TP53I13: variants seen among roughly 807,000 people sequenced by gnomAD.
TP53I13 encodes tumor protein p53-inducible protein 13.
In TP53I13, 27 loss-of-function variants were observed where a neutral mutation model predicts 39.1. The ratio of observed to expected loss-of-function variants is 0.69; its 90% confidence interval spans 0.51 to 0.95. The LOEUF (loss-of-function observed/expected upper bound fraction) is 0.95. Among genes scored for constraint, TP53I13 ranks in the 40% least tolerant of loss-of-function variants. TP53I13 has a pLI of 0.00. For missense variants in TP53I13, 544 were observed against 520.4 expected (o/e 1.05, Z -0.44); for synonymous variants, 230 against 224.6 (o/e 1.02, Z -0.22).
upstream of TP53I13, chr17:29,566,441 C>T: frequency 6.2e-7 from 1 of 1,612,470 alleles, no homozygotes; most frequent in Non-Finnish European, 8.5e-7. Context: ...AAGCAAAGGC[C>T]GAGCACGTTG....
chr17:29,580,482 T>C, the TP53I13 span, among the ~76,000 whole-genome samples: 2 of 152,120 alleles, frequency 1.3e-5, no homozygotes, highest in Non-Finnish European at 2.9e-5. Flanking sequence ...CCATCAGAGG[T>C]GGCCACCAGG....
chr17:29,580,432 A>C, the TP53I13 span, among the ~76,000 whole-genome samples: 1 of 152,230 alleles, frequency 6.6e-6, no homozygotes, highest in South Asian at 2.1e-4. Flanking sequence ...TCCTCTCTCC[A>C]GATCCAGGCC....
intron 2 of TP53I13, 79 bp downstream of exon 2, chr17:29,569,165 A>C: frequency 6.7e-7 from 1 of 1,497,862 alleles, no homozygotes; most frequent in Non-Finnish European, 9.1e-7. Flanking sequence ...CGCACCCTCC[A>C]CAGTCACCAT....
chr17:29,576,728 C>T (rs55956743), downstream of TP53I13: 23,266 of 1,605,940 alleles, frequency 0.014, 233 homozygotes, highest in Middle Eastern at 0.059. Context: ...GGCCAACACC[C>T]GCAGGGGGCA....
At chr17:29,582,167 T>C in the TP53I13 span, 1 of 1,503,858 alleles carries the variant, frequency 6.6e-7, no homozygotes. Context: ...GAGTGTGCAG[T>C]GAATACGCAT....
chr17:29,567,657 G>C (rs2032756650), upstream of TP53I13, among the ~76,000 whole-genome samples: 1 of 152,018 alleles, frequency 6.6e-6, no homozygotes. This position sits in a 1 kb window ranked among gnomAD's most constrained non-coding sequence, Gnocchi z 6.6. Flanking sequence ...CCCCGTCCCC[G>C]CGAGCTCGGG....
chr17:29,575,580 C>T, downstream of TP53I13: 1 of 1,584,864 alleles, frequency 6.3e-7, no homozygotes, highest in Non-Finnish European at 8.6e-7. The surrounding 1 kb of genome is among the most constrained non-coding windows in gnomAD (Gnocchi z 5.5). Context: ...CTCTCAACCT[C>T]CCCGCCTCGG....
chr17:29,569,395 CACGCCTGGAG>C, intron 3 of TP53I13, 36 bp downstream of exon 3: 1 of 1,609,256 alleles, frequency 6.2e-7, no homozygotes, highest in East Asian at 2.2e-5. Context: ...CCTTGGTGTC[CACGCCTGGAG>C]ACAGGCGCTC....
At position 29,572,295 on chromosome 17, in the gene TP53I13, C is replaced by T. The variant is rs199741319; in HGVS notation, c.667C>T (p.Pro223Ser). The T allele has an allele frequency of 2.5e-6, 4 of 1,612,914 alleles. No individual in the cohort carries two copies. In the Admixed American group the frequency reaches 5.0e-5, roughly 20 times the overall value. ...PQPTRSALRF[P>S]SASPGSLKAK... ...GCCCACTCGCTCAGCCCTGAGGTTTCCCTCTGCTTCCCCAGGGAGCTTGAA... is the reference window on the plus strand; with the variant it reads ...GCCCACTCGCTCAGCCCTGAGGTTTTCCTCTGCTTCCCCAGGGAGCTTGAA... Residue 223 changes from proline (P) to serine (S), a missense_variant, in exon 6 of 7, where the codon CCC becomes TCC. Transcript: ENST00000301057.
rs1696003598 is a variant in TP53I13, at chr17:29,573,101, A to G, written c.*177A>G. The G allele has an allele frequency of 2.2e-6, 1 of 461,334 alleles. No homozygotes were observed. 28.6% of individuals were successfully genotyped at this position (461,334 alleles called of 1,614,324 possible). A position where few individuals can be genotyped will look rare whatever the true frequency, so the allele number is the denominator to read the frequency against. ...AGTGGGCGGCCAAGGGGAGAAAAGG[A>G]GCCGCTTCTGCCTCCCTTGCCAAAA... On this transcript the variant is annotated 3_prime_UTR_variant, in exon 7 of 7. Transcript: ENST00000301057.
downstream of TP53I13, chr17:29,574,693 G>C: frequency 1.2e-6 from 2 of 1,602,440 alleles, no homozygotes; most frequent in South Asian, 2.2e-5. Flanking sequence ...GAGGGTGTGG[G>C]GAGAGAGGTC....
At chr17:29,582,180 G>T in the TP53I13 span, 1 of 1,449,180 alleles carries the variant, frequency 6.9e-7, no homozygotes, top group Non-Finnish European at 9.3e-7. Context: ...ATACGCATGT[G>T]CGTGAGGCGC....
chr17:29,576,756 CAGCCCACCTG>C, downstream of TP53I13: 1 of 1,588,258 alleles, frequency 6.3e-7, no homozygotes. Context: ...AGGCTAGGAG[CAGCCCACCTG>C]TCCCTCAGGC....
chr17:29,575,686 G>A (rs373891852), downstream of TP53I13: 21 of 1,612,470 alleles, frequency 1.3e-5, no homozygotes, highest in East Asian at 4.5e-5. The surrounding 1 kb of genome is among the most constrained non-coding windows in gnomAD (Gnocchi z 5.5). Context: ...CTCCACTGCC[G>A]TGGCGGGAAA....
At chr17:29,569,226 C>G in intron 2 of TP53I13, 92 bp from the exon 3 acceptor site, 1 of 1,515,228 alleles carries the variant, frequency 6.6e-7, no homozygotes, top group South Asian at 1.2e-5. Context: ...TTCTCCATCC[C>G]AGCCTGGCGC....
At chr17:29,571,347 T>C in intron 3 of TP53I13, 1 of 533,096 alleles carries the variant, frequency 1.9e-6, no homozygotes, top group Non-Finnish European at 3.3e-6. Context: ...GGCAGGATTA[T>C]CCAGGCATGC....
chr17:29,571,557 G>T (rs372435935), intron 3 of TP53I13, 34 bp from the exon 4 acceptor site: 1 of 1,610,982 alleles, frequency 6.2e-7, no homozygotes, highest in Non-Finnish European at 8.5e-7. Context: ...GAGGGCTCTG[G>T]GCCTGCTTTG....
In TP53I13 at chr17:29,572,507, A is replaced by G; in HGVS notation, c.879A>G (p.Ala293=). ...CSSQASPAPR[A]AAPPRAARGP... ...GTCAGGCTTCCCCGGCCCCTCGCGC[A>G]GCAGCGCCTCCACGGGCAGCCCGGG... The change falls in exon 6 of 7, where the codon GCA becomes GCG. Residue 293 remains alanine (A), a synonymous_variant. Transcript: ENST00000301057. 6.2e-7 allele frequency: 1 copy of G among 1,606,092 alleles called. No homozygotes were observed.
chr17:29,573,138 A>G lies in TP53I13; in HGVS notation c.*214A>G. 1 of 425,576 alleles carries G rather than the reference A, an allele frequency of 2.3e-6. No homozygotes were observed. Among genetic ancestry groups the G allele is most frequent in the South Asian group, 5.6e-5 (1 of 17,884 alleles). The allele number at this position is 425,576 out of a possible 1,614,324, so 26.4% of individuals were successfully genotyped here. ...CTCCCTTGCCAAAACTCCGTTTCTA[A>G]TTAAATTATTTTTAGTAGACTCTGG... On this transcript the variant is annotated 3_prime_UTR_variant, in exon 7 of 7. Coordinates refer to ENST00000301057, the MANE Select transcript of TP53I13 (RefSeq NM_138349.4).
Sources: allele counts gnomAD v4.1 joint callset (sites outside exome capture counted in the v4.1 genomes callset), GRCh38; gene constraint gnomAD v4.1.1; non-coding constraint Gnocchi (gnomAD v3.1); transcripts MANE v1.5; gene names NCBI Gene and HGNC (gene_info 2026-07-23, HGNC 2026-07-21).